LRP1B: variants seen among roughly 807,000 people sequenced by gnomAD.
LRP1B encodes the protein LDL receptor related protein 1B, also known as low-density lipoprotein receptor-related protein 1B.
A neutral mutation model predicts 556.6 loss-of-function variants in LRP1B; 217 were observed. The ratio of observed to expected loss-of-function variants is 0.39; its 90% CI spans 0.35 to 0.44. The LOEUF (loss-of-function observed/expected upper bound fraction) is 0.44, where lower values mean the gene tolerates loss of function less well. LRP1B is among the 20% of genes least tolerant of loss of function. The pLI is 1.00. For missense variants in LRP1B, 5,053 were observed against 5,620.8 expected (o/e 0.90, Z 3.23); for synonymous variants, 2,047 against 1,865.8 (o/e 1.10, Z -2.50).
intron 2 of LRP1B, among the ~76,000 whole-genome samples, chr2:141,641,052 A>G (rs943419489): frequency 2.0e-5 from 3 of 152,218 alleles, no homozygotes; most frequent in Non-Finnish European, 4.4e-5. Context: ...GAGAGAAACA[A>G]TCGTTATAAA....
Position 140,503,060 on chromosome 2 carries a change from C to T in LRP1B, c.8565G>A (p.Gly2855=), listed in dbSNP as rs778510414. The T allele has an allele frequency of 5.0e-6, 8 of 1,613,298 alleles. No individual in the cohort carries two copies. Among genetic ancestry groups the T allele is most frequent in the Middle Eastern group, 3.3e-4 (2 of 6,060 alleles). The change falls in exon 54 of 91, where the codon GGG becomes GGA. Residue 2855 remains glycine, a synonymous_variant. Coordinates refer to ENST00000389484, the MANE Select transcript of LRP1B (RefSeq NM_018557.3). ...CGTEEFSCAD[G]RCLLNTQWQC... ...GCCATTGAGTATTTAGAAGACACCGCCCATCAGCACAACTAAATTCTTCTG... is the reference window on the plus strand; with the variant it reads ...GCCATTGAGTATTTAGAAGACACCGTCCATCAGCACAACTAAATTCTTCTG...
chr2:140,862,135 T>A (rs1240023499), intron 27 of LRP1B, among the ~76,000 whole-genome samples: 1 of 152,236 alleles, frequency 6.6e-6, no homozygotes. Context: ...AATATTCAAC[T>A]GTATCCCAGA....
intron 41 of LRP1B, among the ~76,000 whole-genome samples, chr2:140,695,894 A>T (rs542391551): frequency 4.6e-5 from 7 of 152,164 alleles, no homozygotes; most frequent in African/African-American, 1.7e-4. Context: ...CATCTTTTAA[A>T]CCTGAGGCCA....
intron 35 of LRP1B, among the ~76,000 whole-genome samples, chr2:140,748,301 C>CATATATTACATTCATATATAAT (rs1688402353): frequency 9.0e-6 from 1 of 110,924 alleles, no homozygotes; most frequent in East Asian, 2.5e-4. Flanking sequence ...TATATATATT[C>CATATATTACATTCATATATAAT]ATATATTATA....
At chr2:140,551,941 C>G (rs1429583980) in intron 43 of LRP1B, among the ~76,000 whole-genome samples, 2 of 151,958 alleles carry the variant, frequency 1.3e-5, no homozygotes, top group Admixed American at 1.3e-4. Context: ...ACATAATAAC[C>G]CCTGTGATAG....
chr2:140,925,875 A>G (rs548878239), intron 20 of LRP1B, among the ~76,000 whole-genome samples: 1 of 152,088 alleles, frequency 6.6e-6, no homozygotes, highest in East Asian at 1.9e-4. Context: ...ATAAAGATCA[A>G]AGCAGAATCT....
At chr2:141,565,702 A>AT (rs2105254727) in intron 2 of LRP1B, among the ~76,000 whole-genome samples, 1 of 152,346 alleles carries the variant, frequency 6.6e-6, no homozygotes, top group Admixed American at 6.5e-5. Flanking sequence ...ATGGCAAAAT[A>AT]TATCAGTTCA....
rs143240045 is a variant in LRP1B at position 140,916,815 on chromosome 2, A to G, written c.3319+6150T>C. Among the ~76,000 whole-genome samples the G allele has an allele frequency of 2.6e-3, 387 of 151,576 alleles. 1 individual carries two copies. Among genetic ancestry groups the G allele is most frequent in the African/African-American group, 9.2e-3 (379 of 41,172 alleles). ...TAGTTTCTTGTGAATGAAAACAGAA[A>G]TGTTTTTATTATAGAAAGAATATAC... On this transcript the variant is annotated intron_variant, in intron 21 of 90. Transcript: ENST00000389484.
rs973912194 is a variant in LRP1B at position 140,451,089 on chromosome 2, A to G, written c.9964-428T>C. 4.6e-5 allele frequency among the ~76,000 whole-genome samples: 7 copies of G among 152,146 alleles called. No individual in the cohort carries two copies. In the East Asian group the frequency reaches 9.7e-4, roughly 21 times the overall value. ...CCAGAGTAGCTGGGACTATAGGTAC[A>G]TGCCACCTCGCCCAGAAAATTTTTA... On this transcript the variant is annotated intron_variant, in intron 62 of 90. Transcript: ENST00000389484.
chr2:141,612,652 AGT>A (rs575562104), intron 2 of LRP1B, among the ~76,000 whole-genome samples: 33 of 152,230 alleles, frequency 2.2e-4, no homozygotes, highest in Non-Finnish European at 4.3e-4. Flanking sequence ...TAAAAGAAAG[AGT>A]GTTCCATTTT....
Position 141,437,688 on chromosome 2 carries a change from C to G in LRP1B, c.343+42708G>C, listed in dbSNP as rs147794883. Among the ~76,000 whole-genome samples the G allele has an allele frequency of 2.0e-5, 3 of 151,818 alleles. No homozygotes were observed. The South Asian group carries it at 6.2e-4, about 32-fold the overall frequency. ...TTCAAACTGCATTGGTATTGAGAAT[C>G]GTCATGAGAGACAAAAGCAGCATTG... On this transcript the variant is annotated intron_variant, in intron 3 of 90. Coordinates refer to ENST00000389484, the MANE Select transcript of LRP1B (RefSeq NM_018557.3).
intron 78 of LRP1B, among the ~76,000 whole-genome samples, chr2:140,335,230 T>C (rs1681019300): frequency 6.6e-6 from 1 of 151,860 alleles, no homozygotes; most frequent in African/African-American, 2.4e-5. Flanking sequence ...ACCTTCATCT[T>C]TTATTACCAT....
chr2:141,331,495 T>TTTCC (rs1559010372), intron 3 of LRP1B, among the ~76,000 whole-genome samples: 4 of 139,778 alleles, frequency 2.9e-5, no homozygotes, highest in Admixed American at 7.1e-5. Context: ...CTTTTCTTTC[T>TTTCC]TTCTTTCCTT....
chr2:141,452,959 C>T (rs6753877), intron 3 of LRP1B, among the ~76,000 whole-genome samples: 136,418 of 152,220 alleles, frequency 0.9, 61,289 homozygotes, highest in East Asian at 1. Context: ...AATGTGGCCA[C>T]CCACGGTAGC....
intron 6 of LRP1B, among the ~76,000 whole-genome samples, chr2:141,214,132 G>A (rs1329000957): frequency 6.6e-6 from 1 of 152,136 alleles, no homozygotes; most frequent in East Asian, 1.9e-4. Flanking sequence ...AAGGCTGACT[G>A]TATTCTTTTT....
At chr2:140,491,170 T>G (rs1688683892) in intron 57 of LRP1B, among the ~76,000 whole-genome samples, 1 of 152,064 alleles carries the variant, frequency 6.6e-6, no homozygotes, top group Admixed American at 6.6e-5. Flanking sequence ...AGCTACAAGG[T>G]AGGAAAATGA....
intron 83 of LRP1B, among the ~76,000 whole-genome samples, chr2:140,313,447 A>G (rs1023213111): frequency 1.3e-5 from 2 of 151,886 alleles, no homozygotes; most frequent in Non-Finnish European, 2.9e-5. Flanking sequence ...CAGCAAATTC[A>G]ATGTTTTGTA....
chr2:142,117,951 T>G (rs1354678570), intron 1 of LRP1B, among the ~76,000 whole-genome samples: 1 of 152,130 alleles, frequency 6.6e-6, no homozygotes, highest in Non-Finnish European at 1.5e-5. Flanking sequence ...TATGTCTGAG[T>G]GCCATTGCTT....
rs184090409 is a variant in LRP1B, at chr2:140,894,055, T to C, written c.3767-7720A>G. ...ATTAAAATCCGGATGGAAACTGATA[T>C]GTAAATGTGTCATTTTTTAAAGAGA... On this transcript the variant is annotated intron_variant, in intron 23 of 90. Coordinates refer to ENST00000389484, the MANE Select transcript of LRP1B (RefSeq NM_018557.3). 4.6e-5 allele frequency among the ~76,000 whole-genome samples: 7 copies of C among 152,296 alleles called. No individual in the cohort carries two copies. In the East Asian group the frequency reaches 5.8e-4, roughly 13 times the overall value.
Sources: allele counts gnomAD v4.1 joint callset (sites outside exome capture counted in the v4.1 genomes callset), GRCh38; gene constraint gnomAD v4.1.1; transcripts MANE v1.5; gene names NCBI Gene and HGNC (gene_info 2026-07-23, HGNC 2026-07-21).